Variants in TENM3 observed in about 807,000 individuals in gnomAD.
TENM3 encodes teneurin-3.
A neutral mutation model predicts 255.1 loss-of-function variants in TENM3; 63 were observed. The ratio of observed to expected loss-of-function variants is 0.25; its 90% CI spans 0.20 to 0.30. The LOEUF is 0.30. Ranked by LOEUF, TENM3 falls within the 10% of genes least tolerant of loss-of-function variation. The pLI, the probability that TENM3 is intolerant of heterozygous loss-of-function variation, is 1.00. For synonymous variants in TENM3, 1,306 were observed against 1,322.3 expected, an observed-to-expected ratio of 0.99 and a Z score of 0.27; for missense variants, 2,929 against 3,461.1, an observed-to-expected ratio of 0.85 and a Z score of 3.86.
At chr4:182,396,048 T>C (rs549338605) in intron 3 of TENM3, among the ~76,000 whole-genome samples, 5 of 152,350 alleles carry the variant, frequency 3.3e-5, no homozygotes, top group South Asian at 2.1e-4. Flanking sequence ...TCATTTTTTT[T>C]CTCAACCGAA....
Position 182,789,377 on chromosome 4 carries a change from A to G in TENM3, c.5589A>G (p.Thr1863=), listed in dbSNP as rs1452170184. 7 of 1,610,554 alleles carry G rather than the reference A, an allele frequency of 4.3e-6. No individual in the cohort carries two copies. The highest frequency in any genetic ancestry group is 2.2e-5 in the South Asian group (2 of 90,684). The part of the protein sequence containing the change: ...VFADGKTWSY[T]YLEKSMVLLL... ...CTGATGGTAAAACATGGAGTTACAC[A>G]TATTTAGAAAAGGTATGCCTGCAAA... Residue 1863 remains threonine, a synonymous_variant, in exon 25 of 28, where the codon ACA becomes ACG. Coordinates refer to ENST00000511685, the MANE Select transcript of TENM3 (RefSeq NM_001080477.4). The surrounding 1 kb of genome is among the most constrained non-coding windows in gnomAD (Gnocchi z 4.4).
chr4:181,901,830 T>C, the TENM3 span, among the ~76,000 whole-genome samples: 2 of 152,296 alleles, frequency 1.3e-5, no homozygotes, highest in Non-Finnish European at 2.9e-5. Flanking sequence ...AAATTATTAT[T>C]ATAAAGTAAA....
intron 3 of TENM3, among the ~76,000 whole-genome samples, chr4:182,389,337 G>A (rs28520595): frequency 1.3e-5 from 2 of 149,572 alleles, no homozygotes; most frequent in Non-Finnish European, 3.0e-5. Context: ...CCAGCCCTCT[G>A]TTGTAGCCAT....
At chr4:181,639,724 G>A in the TENM3 span, among the ~76,000 whole-genome samples, 1 of 152,134 alleles carries the variant, frequency 6.6e-6, no homozygotes, top group East Asian at 1.9e-4. Flanking sequence ...TGGGGGACAA[G>A]AGCAAGACTT....
Position 182,785,959 on chromosome 4 carries a change from G to A in TENM3, c.5305-3134G>A, listed in dbSNP as rs116277524. Among the ~76,000 whole-genome samples, 777 of 152,230 alleles carry A rather than the reference G, an allele frequency of 5.1e-3. 7 individuals are homozygous for A. Among genetic ancestry groups the A allele is most frequent in the African/African-American group, 0.018 (731 of 41,546 alleles). On this transcript the variant is annotated intron_variant, in intron 24 of 27. Transcript: ENST00000511685. ...CTCTTAGTATCTTTTGAAATGTTCC[G>A]TACTGAATAACAGAGAGCGGTGTCT...
chr4:182,590,323 G>A (rs1040836693), intron 3 of TENM3, among the ~76,000 whole-genome samples: 1 of 151,838 alleles, frequency 6.6e-6, no homozygotes, highest in African/African-American at 2.4e-5. Flanking sequence ...GACCTACCTA[G>A]TCTTCTCCTT....
At chr4:182,218,519 T>C (rs1007283855) in intron 1 of TENM3, among the ~76,000 whole-genome samples, 3 of 152,124 alleles carry the variant, frequency 2.0e-5, no homozygotes, top group African/African-American at 4.8e-5. Flanking sequence ...AATGAGAAAA[T>C]TGAAACCAGA....
chr4:181,895,425 A>T, the TENM3 span, among the ~76,000 whole-genome samples: 5 of 151,806 alleles, frequency 3.3e-5, no homozygotes, highest in Non-Finnish European at 7.4e-5. Flanking sequence ...CTCAGCACAC[A>T]CAGTTACACA....
the TENM3 span, among the ~76,000 whole-genome samples, chr4:181,806,099 A>C: frequency 2.0e-4 from 30 of 152,230 alleles, no homozygotes; most frequent in Non-Finnish European, 3.8e-4. Flanking sequence ...ATTATAAATT[A>C]AATGTAATAT....
At chr4:181,850,935 A>C in the TENM3 span, among the ~76,000 whole-genome samples, 4 of 152,118 alleles carry the variant, frequency 2.6e-5, no homozygotes, top group Non-Finnish European at 5.9e-5. Flanking sequence ...TTACATCACC[A>C]CTGGAGGTGA....
At chr4:181,529,126 G>T in the TENM3 span, among the ~76,000 whole-genome samples, 1,864 of 152,300 alleles carry the variant, frequency 0.012, 37 homozygotes, top group African/African-American at 0.043. Flanking sequence ...CTTGCCCAAT[G>T]CTCTACTGCT....
the TENM3 span, among the ~76,000 whole-genome samples, chr4:181,698,043 T>C: frequency 6.6e-6 from 1 of 151,776 alleles, no homozygotes; most frequent in Non-Finnish European, 1.5e-5. Context: ...TGAAACCCTG[T>C]CTCTACTAAA....
chr4:182,052,750 C>T, the TENM3 span, among the ~76,000 whole-genome samples: 1 of 152,090 alleles, frequency 6.6e-6, no homozygotes, highest in Non-Finnish European at 1.5e-5. Flanking sequence ...TGGACCTGCT[C>T]TTATTGCCAG....
chr4:182,704,663 A>T (rs747216703), intron 12 of TENM3, among the ~76,000 whole-genome samples: 8 of 152,208 alleles, frequency 5.3e-5, no homozygotes, highest in Admixed American at 5.2e-4. Context: ...CAATGTAGTT[A>T]TTCAGATAAT....
intron 3 of TENM3, among the ~76,000 whole-genome samples, chr4:182,399,918 A>T (rs1769111425): frequency 6.6e-6 from 1 of 152,162 alleles, no homozygotes; most frequent in Non-Finnish European, 1.5e-5. Flanking sequence ...CTTGGTGGTG[A>T]AATTTATGAA....
chr4:182,450,493 A>C (rs1457496341), intron 3 of TENM3, among the ~76,000 whole-genome samples: 1 of 152,348 alleles, frequency 6.6e-6, no homozygotes, highest in South Asian at 2.1e-4. Flanking sequence ...TAAGAGGTTA[A>C]AAAACTTGAG....
the TENM3 span, among the ~76,000 whole-genome samples, chr4:181,553,494 T>G: frequency 1.6e-3 from 247 of 152,024 alleles, no homozygotes; most frequent in Non-Finnish European, 2.6e-3. Context: ...CAGGCTGGAG[T>G]GCAGGGGCGC....
chr4:182,562,784 A>G (rs1743335720), intron 3 of TENM3, among the ~76,000 whole-genome samples: 1 of 152,108 alleles, frequency 6.6e-6, no homozygotes, highest in African/African-American at 2.4e-5. Flanking sequence ...CAACTTCTCA[A>G]CACAACAACA....
Position 182,729,033 on chromosome 4 carries a change from C to G in TENM3, c.2437C>G (p.Arg813Gly). The G allele has an allele frequency of 6.2e-7, 1 of 1,613,990 alleles. No individual in the cohort carries two copies. Among genetic ancestry groups the G allele is most frequent in the Non-Finnish European group, 8.5e-7 (1 of 1,179,882 alleles). Residue 813 changes from arginine to glycine, a missense_variant, in exon 14 of 28, where the codon CGG becomes GGG. By Grantham distance (125) the Arg-to-Gly change is moderately radical. This residue lies in a region of TENM3 where 1,608 missense variants were observed against 1,884.4 expected (regional missense o/e 0.85). Coordinates refer to ENST00000511685, the MANE Select transcript of TENM3 (RefSeq NM_001080477.4). ...TTCCTGCCAGAATCAGCCCTATTGT[C>G]GGGGACTGCCGGATCCTCAGGACAT... ...QSSCQNQPYC[R>G]GLPDPQDIIS...
Sources: gnomAD v4.1 joint callset for allele counts (sites outside exome capture counted in the v4.1 genomes callset) on GRCh38, gnomAD v4.1.1 for gene constraint, gnomAD v4.1.1 regional missense constraint, Gnocchi (gnomAD v3.1) non-coding constraint, MANE v1.5 for transcripts, NCBI Gene and HGNC (gene_info 2026-07-23, HGNC 2026-07-21) for gene names.